Variants in CCDC73 observed in about 807,000 individuals in gnomAD.
The protein encoded by CCDC73 is coiled-coil domain-containing protein 73.
In CCDC73, 95 loss-of-function variants were observed where a neutral mutation model predicts 116.5. The observed-to-expected ratio is 0.82, with a 90% CI of 0.69 to 0.97. CCDC73 has a LOEUF of 0.97. CCDC73 is among the 50% of genes least tolerant of loss of function. The probability of loss-of-function intolerance (pLI) is 0.00; values close to 1 mark genes in which losing one functional copy is unlikely to be tolerated. For missense variants in CCDC73, 1,066 were observed against 1,206.8 expected, an observed-to-expected ratio of 0.88 and a Z score of 1.73; for synonymous variants, 398 against 401.3, an observed-to-expected ratio of 0.99 and a Z score of 0.10.
At chr11:32,620,619 A>AAG (rs1172399159) in intron 14 of CCDC73, among the ~76,000 whole-genome samples, 3 of 150,650 alleles carry the variant, frequency 2.0e-5, no homozygotes, top group African/African-American at 7.3e-5. Context: ...TCAAAAAAAA[A>AAG]AAAAAAAAAA....
intron 6 of CCDC73, among the ~76,000 whole-genome samples, chr11:32,685,064 A>AT (rs928525246): frequency 3.3e-5 from 5 of 152,076 alleles, no homozygotes; most frequent in African/African-American, 9.7e-5. Context: ...TCCTACTTAT[A>AT]TTTTTTAAAC....
chr11:32,771,555 G>GTT (rs1265294880), intron 1 of CCDC73, among the ~76,000 whole-genome samples: 1 of 152,164 alleles, frequency 6.6e-6, no homozygotes. Context: ...TATTGAATGT[G>GTT]TAAGAGGCAA....
At chr11:32,818,964 G>A in the CCDC73 span, among the ~76,000 whole-genome samples, 67 of 152,284 alleles carry the variant, frequency 4.4e-4, no homozygotes, top group Non-Finnish European at 4.1e-4. Context: ...TGGGGGCCAT[G>A]AAAATGTTCC....
chr11:32,827,450 C>T, the CCDC73 span, among the ~76,000 whole-genome samples: 1 of 152,214 alleles, frequency 6.6e-6, no homozygotes, highest in Admixed American at 6.5e-5. Context: ...CCCTCTCTGT[C>T]TATAAACTCT....
In CCDC73 at chr11:32,740,782, T is replaced by A. The variant is rs367604808; in HGVS notation, c.135+19327A>T. On this transcript the variant is annotated intron_variant, in intron 2 of 17. Coordinates refer to ENST00000335185, the MANE Select transcript of CCDC73 (RefSeq NM_001008391.4). ...TATAATTAGGTTGTTTATTTGAAGTTTTTCTTTTTTTTTGATGTAGACACT... is the reference window on the plus strand; with the variant it reads ...TATAATTAGGTTGTTTATTTGAAGTATTTCTTTTTTTTTGATGTAGACACT... Among the ~76,000 whole-genome samples, 34 of 152,088 alleles carry A rather than the reference T, an allele frequency of 2.2e-4. 1 individual carries two copies. The highest frequency in any genetic ancestry group is 7.5e-4 in the African/African-American group (31 of 41,540).
At chr11:32,751,382 G>C (rs1245202851) in intron 2 of CCDC73, among the ~76,000 whole-genome samples, 1 of 152,164 alleles carries the variant, frequency 6.6e-6, no homozygotes, top group Non-Finnish European at 1.5e-5. Flanking sequence ...CACTGGCTCT[G>C]AGACCAGTAC....
intron 1 of CCDC73, among the ~76,000 whole-genome samples, chr11:32,769,168 A>T (rs757098827): frequency 1.3e-5 from 2 of 152,218 alleles, no homozygotes; most frequent in East Asian, 3.8e-4. Flanking sequence ...TTGAAGATAT[A>T]CACCCTTTAT....
chr11:32,708,496 T>G (rs1056062287), intron 3 of CCDC73, among the ~76,000 whole-genome samples: 1 of 152,240 alleles, frequency 6.6e-6, no homozygotes, highest in African/African-American at 2.4e-5. Context: ...CTTTTGGCAA[T>G]ATGGTCATTT....
chr11:32,732,576 A>G (rs192321119), intron 2 of CCDC73, among the ~76,000 whole-genome samples: 3,737 of 152,270 alleles, frequency 0.025, 141 homozygotes, highest in African/African-American at 0.083. Context: ...TCTCTTGGCA[A>G]AAACTCTACA....
At chr11:32,643,927 A>C (rs765566779) in intron 12 of CCDC73, among the ~76,000 whole-genome samples, 1 of 152,090 alleles carries the variant, frequency 6.6e-6, no homozygotes. Context: ...AAACACACAG[A>C]TTGTACAGCT....
chr11:32,826,924 C>T, the CCDC73 span, among the ~76,000 whole-genome samples: 37 of 152,222 alleles, frequency 2.4e-4, no homozygotes, highest in African/African-American at 8.7e-4. Context: ...GGCAATGGCG[C>T]GATCTCGGCT....
chr11:32,774,385 T>G (rs71479178), intron 1 of CCDC73, among the ~76,000 whole-genome samples: 1 of 152,282 alleles, frequency 6.6e-6, no homozygotes, highest in South Asian at 2.1e-4. Context: ...TATTCTCTCT[T>G]GTCTCTGTGA....
chr11:32,696,794 T>TC (rs1319352907), intron 6 of CCDC73, among the ~76,000 whole-genome samples: 12 of 152,178 alleles, frequency 7.9e-5, no homozygotes, highest in African/African-American at 2.9e-4. Flanking sequence ...TATATCTTTC[T>TC]CATACAGTTA....
chr11:32,608,722 A>G (rs1855385894), intron 17 of CCDC73, among the ~76,000 whole-genome samples: 1 of 152,204 alleles, frequency 6.6e-6, no homozygotes, highest in African/African-American at 2.4e-5. Flanking sequence ...GAGGTTCTCC[A>G]TGAGAGTCCC....
At chr11:32,689,290 T>C (rs570948799) in intron 6 of CCDC73, among the ~76,000 whole-genome samples, 6 of 152,176 alleles carry the variant, frequency 3.9e-5, no homozygotes, top group African/African-American at 1.2e-4. Context: ...TGTGAAACCC[T>C]TGAGGCTCAG....
At chr11:32,628,743 T>A (rs1305483622) in intron 14 of CCDC73, among the ~76,000 whole-genome samples, 1 of 152,198 alleles carries the variant, frequency 6.6e-6, no homozygotes, top group African/African-American at 2.4e-5. Flanking sequence ...CAATCAGCAA[T>A]GTAAAATTCA....
intron 9 of CCDC73, among the ~76,000 whole-genome samples, chr11:32,660,140 T>C (rs1488276158): frequency 6.8e-6 from 1 of 146,070 alleles, no homozygotes; most frequent in Non-Finnish European, 1.5e-5. Context: ...ACAACCATTA[T>C]GCAAAACAAA....
chr11:32,830,088 G>A, the CCDC73 span: 2 of 990,582 alleles, frequency 2.0e-6, no homozygotes, highest in South Asian at 4.7e-5. Context: ...GAGGGCGCCG[G>A]AGACCGAGGG....
At chr11:32,626,114 T>A (rs2133233038) in intron 14 of CCDC73, among the ~76,000 whole-genome samples, 1 of 151,836 alleles carries the variant, frequency 6.6e-6, no homozygotes, top group African/African-American at 2.4e-5. Flanking sequence ...CTTAAGCTGA[T>A]AGGCAACTTC....
Sources: allele counts gnomAD v4.1 joint callset (sites outside exome capture counted in the v4.1 genomes callset), GRCh38; gene constraint gnomAD v4.1.1; transcripts MANE v1.5; gene names NCBI Gene and HGNC (gene_info 2026-07-23, HGNC 2026-07-21).